TRIM11: variants seen among roughly 807,000 people sequenced by gnomAD.
TRIM11 encodes the protein tripartite motif containing 11.
Under a neutral mutation model 33.4 loss-of-function variants are expected in TRIM11, and 15 were observed. The observed-to-expected ratio is 0.45, with a 90% CI of 0.30 to 0.69. TRIM11 has a LOEUF of 0.69. TRIM11 is among the 30% of genes least tolerant of loss of function. The probability of loss-of-function intolerance (pLI) is 0.08; values close to 1 mark genes in which losing one functional copy is unlikely to be tolerated. For missense variants in TRIM11, 499 were observed against 667.6 expected (o/e 0.75, Z 2.78); for synonymous variants, 281 against 302.6 (o/e 0.93, Z 0.74).
At chr1:228,405,985 C>A (rs1656396982) in intron 1 of TRIM11, 169 bp downstream of exon 1, 1 of 747,958 alleles carries the variant, frequency 1.3e-6, no homozygotes, top group Non-Finnish European at 1.9e-6. Flanking sequence ...CCCACAGCCA[C>A]CCTGCGCGAC....
chr1:228,400,055 G>A lies in TRIM11; in HGVS notation c.735+909C>T, dbSNP rs977058928. Among the ~76,000 whole-genome samples, 2 of 152,132 alleles carry A rather than the reference G, an allele frequency of 1.3e-5. No individual in the cohort carries two copies. Among genetic ancestry groups the A allele is most frequent in the Non-Finnish European group, 2.9e-5 (2 of 68,022 alleles). On this transcript the variant is annotated intron_variant, in intron 3 of 5. Coordinates refer to ENST00000284551, the MANE Select transcript of TRIM11 (RefSeq NM_145214.3). The surrounding 1 kb of genome is among the most constrained non-coding windows in gnomAD (Gnocchi z 4.5). Reference sequence around the variant, plus strand: ...CCCAGCCACATCTGCAGCATTGTGGGCTCCACCTGGGTCTGGCAGCCCTGC... The same window carrying A: ...CCCAGCCACATCTGCAGCATTGTGGACTCCACCTGGGTCTGGCAGCCCTGC...
chr1:228,401,000 C>G lies in TRIM11; in HGVS notation c.699G>C (p.Glu233Asp), dbSNP rs773547600. 7 of 1,598,406 alleles carry G rather than the reference C, an allele frequency of 4.4e-6. No individual in the cohort carries two copies. The African/African-American group carries it at 6.7e-5, about 15-fold the overall frequency. ...CCAGAGCAGGCAGCTGGCAGCGGCC[C>G]TCGAGCTCGGCGATGAGCTCAGCTA... ...AHLAELIAELEGRCQLPALGL... is the reference protein window; with the variant it reads ...AHLAELIAELDGRCQLPALGL... Residue 233 changes from glutamate (E) to aspartate (D), a missense_variant, in exon 3 of 6, where the codon GAG (glutamate) becomes GAC (aspartate). Coordinates refer to ENST00000284551, the MANE Select transcript of TRIM11 (RefSeq NM_145214.3). The surrounding 1 kb of genome is among the most constrained non-coding windows in gnomAD (Gnocchi z 4.5).
At position 228,400,004 on chromosome 1, in the gene TRIM11, A is replaced by G. The variant is rs1656130444; in HGVS notation, c.735+960T>C. On this transcript the variant is annotated intron_variant, in intron 3 of 5. Coordinates refer to ENST00000284551, the MANE Select transcript of TRIM11 (RefSeq NM_145214.3). This position sits in a 1 kb window ranked among gnomAD's most constrained non-coding sequence, Gnocchi z 4.5. ...GTTCTGCTGGGCTCCAGAGGCCGGCAGCAGGTCACCCCCTGTGCAAAGCCG... is the reference window on the plus strand; with the variant it reads ...GTTCTGCTGGGCTCCAGAGGCCGGCGGCAGGTCACCCCCTGTGCAAAGCCG... 6.6e-6 allele frequency among the ~76,000 whole-genome samples: 1 copy of G among 152,102 alleles called. No individual in the cohort carries two copies. Among genetic ancestry groups the G allele is most frequent in the Admixed American group, 6.5e-5 (1 of 15,288 alleles).
Position 228,395,518 on chromosome 1 carries a change from T to A in TRIM11, c.860-266A>T. 1.4e-5 allele frequency: 2 copies of A among 139,246 alleles called. No individual in the cohort carries two copies. The highest frequency in any genetic ancestry group is 2.0e-4 in the East Asian group (1 of 5,022). 8.6% of individuals were successfully genotyped at this position (139,246 alleles called of 1,614,324 possible). The stretch of plus-strand genomic sequence containing the variant: ...GATATCAAGAGGGAATCTTGGTTGC[T>A]TTTTTTTTTTTTTTTAAAGAGGCAG... On this transcript the variant is annotated intron_variant, in intron 5 of 5. Transcript: ENST00000284551. This position sits in a 1 kb window ranked among gnomAD's most constrained non-coding sequence, Gnocchi z 4.8.
At position 228,406,055 on chromosome 1, in the gene TRIM11, G is replaced by C. The variant is rs1056357518; in HGVS notation, c.408+99C>G. The C allele has an allele frequency of 2.4e-6, 3 of 1,270,390 alleles. No individual in the cohort carries two copies. Among genetic ancestry groups the C allele is most frequent in the Non-Finnish European group, 3.0e-6 (3 of 993,678 alleles). The allele number at this position is 1,270,390 out of a possible 1,614,324, so 78.7% of individuals were successfully genotyped here. A position where few individuals can be genotyped will look rare whatever the true frequency, so the allele number is the denominator to read the frequency against. On this transcript the variant is annotated intron_variant, in intron 1 of 5. Transcript: ENST00000284551. This position sits in a 1 kb window ranked among gnomAD's most constrained non-coding sequence, Gnocchi z 8.2. Reference sequence around the variant, plus strand: ...GAGCTCCCCGCCCTAGACAGAGACAGATTACTCCCGGAGCAGTCCCCCAAA... The same window carrying C: ...GAGCTCCCCGCCCTAGACAGAGACACATTACTCCCGGAGCAGTCCCCCAAA...
intron 3 of TRIM11, among the ~76,000 whole-genome samples, chr1:228,398,451 C>G (rs2075004647): frequency 6.6e-6 from 1 of 151,950 alleles, no homozygotes; most frequent in Non-Finnish European, 1.5e-5. Flanking sequence ...GGTCCCATCT[C>G]TAAAAAAAAA....
In TRIM11 at chr1:228,395,630, C is replaced by T. The variant is rs118104612; in HGVS notation, c.860-378G>A. On this transcript the variant is annotated intron_variant, in intron 5 of 5. Coordinates refer to ENST00000284551, the MANE Select transcript of TRIM11 (RefSeq NM_145214.3). The surrounding 1 kb of genome is among the most constrained non-coding windows in gnomAD (Gnocchi z 4.8). Reference sequence around the variant, plus strand: ...GATCTCCTGGGCTCAAATGATCCTCCCGCCTCAGATCCTCCCAAGCTGCTG... The same window carrying T: ...GATCTCCTGGGCTCAAATGATCCTCTCGCCTCAGATCCTCCCAAGCTGCTG... The T allele has an allele frequency of 2.6e-3, 463 of 176,448 alleles. 10 individuals carry two copies. The highest frequency in any genetic ancestry group is 0.019 in the Admixed American group (302 of 15,872). 10.9% of individuals were successfully genotyped at this position (176,448 alleles called of 1,614,324 possible). A position where few individuals can be genotyped will look rare whatever the true frequency, so the allele number is the denominator to read the frequency against.
Position 228,402,141 on chromosome 1 carries a change from C to A in TRIM11, c.429G>T (p.Leu143=). ...EDLKAKLEKS[L]EHLRKQMQDA... ...CCTGCATCTGCTTCCGGAGATGCTCCAGTGACTTCTCCAGCTTCGCCTGCG... is the reference window on the plus strand; with the variant it reads ...CCTGCATCTGCTTCCGGAGATGCTCAAGTGACTTCTCCAGCTTCGCCTGCG... The change falls in exon 2 of 6, where the codon CTG becomes CTT. Residue 143 remains leucine, a synonymous_variant. Transcript: ENST00000284551. 1 of 1,612,964 alleles carries A rather than the reference C, an allele frequency of 6.2e-7. No homozygotes were observed. The highest frequency in any genetic ancestry group is 8.5e-7 in the Non-Finnish European group (1 of 1,179,462).
Position 228,402,114 on chromosome 1 carries a change from A to T in TRIM11, c.456T>A (p.Asp152Glu). 1 of 1,613,368 alleles carries T rather than the reference A, an allele frequency of 6.2e-7. No individual in the cohort carries two copies. The highest frequency in any genetic ancestry group is 8.5e-7 in the Non-Finnish European group (1 of 1,179,626). ...CCGCCTGGGCTTGGAACAGCAACGC[A>T]TCCTGCATCTGCTTCCGGAGATGCT... The part of the protein sequence containing the change: ...SLEHLRKQMQ[D>E]ALLFQAQADE... The change falls in exon 2 of 6, where the codon GAT (aspartate) becomes GAA (glutamate). Residue 152 changes from aspartate to glutamate, a missense_variant. Asp to Glu is a conservative substitution (Grantham distance 45, BLOSUM62 2). Transcript: ENST00000284551.
Position 228,395,026 on chromosome 1 carries a change from G to C in TRIM11, c.1086C>G (p.Asn362Lys), listed in dbSNP as rs151281012. 1.2e-6 allele frequency: 2 copies of C among 1,613,912 alleles called. No homozygotes were observed. The highest frequency in any genetic ancestry group is 1.7e-6 in the Non-Finnish European group (2 of 1,179,956). ...GCTCGCCCTTCTCCTTCCTGTTCAC[G>C]TTCTCCCTGCACACCCCCAGGGCCC... ...TSWALGVCRE[N>K]VNRKEKGELS... The change falls in exon 6 of 6, where the codon AAC becomes AAG. Residue 362 changes from asparagine (N) to lysine (K), a missense_variant. Physicochemically the swap from Asn to Lys is moderately conservative, Grantham distance 94. Coordinates refer to ENST00000284551, the MANE Select transcript of TRIM11 (RefSeq NM_145214.3). The surrounding 1 kb of genome is among the most constrained non-coding windows in gnomAD (Gnocchi z 4.8).
intron 3 of TRIM11, chr1:228,397,433 T>G (rs2149090934): frequency 3.9e-6 from 2 of 515,220 alleles, no homozygotes; most frequent in South Asian, 6.1e-5. Context: ...GCCTGACACT[T>G]GGATGTAGGG....
Position 228,394,852 on chromosome 1 carries a change from G to A in TRIM11, c.1260C>T (p.Ala420=), listed in dbSNP as rs1166620368. Residue 420 remains alanine (A), a synonymous_variant, in exon 6 of 6, where the codon GCC becomes GCT. Transcript: ENST00000284551. This position sits in a 1 kb window ranked among gnomAD's most constrained non-coding sequence, Gnocchi z 6.2. ...YEAGHLSFYS[A]TDGSLLFIFP... Reference sequence around the variant, plus strand: ...AGATGAATAGCAGTGACCCATCGGTGGCACTGTAGAAAGAGAGATGTCCAG... The same window carrying A: ...AGATGAATAGCAGTGACCCATCGGTAGCACTGTAGAAAGAGAGATGTCCAG... 3 of 1,614,004 alleles carry A rather than the reference G, an allele frequency of 1.9e-6. No homozygotes were observed. Among genetic ancestry groups the A allele is most frequent in the Non-Finnish European group, 1.7e-6 (2 of 1,180,014 alleles).
Position 228,406,282 on chromosome 1 carries a change from C to A in TRIM11, c.280G>T (p.Ala94Ser). The change falls in exon 1 of 6, where the codon GCG (alanine) becomes TCG (serine). Residue 94 changes from alanine to serine, a missense_variant. Coordinates refer to ENST00000284551, the MANE Select transcript of TRIM11 (RefSeq NM_145214.3). The surrounding 1 kb of genome is among the most constrained non-coding windows in gnomAD (Gnocchi z 8.2). Reference protein sequence around the residue: ...PSPVPQGVCPAHREPLAAFCG... With the variant: ...PSPVPQGVCPSHREPLAAFCG... ...AAGGCGGCCAGTGGCTCGCGGTGCG[C>A]GGGGCACACGCCCTGCGGGACCGGC... The A allele has an allele frequency of 6.7e-7, 1 of 1,490,946 alleles. No homozygotes were observed. Among genetic ancestry groups the A allele is most frequent in the South Asian group, 1.3e-5 (1 of 78,796 alleles). The allele number at this position is 1,490,946 out of a possible 1,614,324, so 92.4% of individuals were successfully genotyped here. A position where few individuals can be genotyped will look rare whatever the true frequency, so the allele number is the denominator to read the frequency against.
In TRIM11 at chr1:228,401,003, G is replaced by A. The variant is rs763571305; in HGVS notation, c.696C>T (p.Leu232=). The A allele has an allele frequency of 2.1e-5, 34 of 1,600,480 alleles. No homozygotes were observed. Among genetic ancestry groups the A allele is most frequent in the Non-Finnish European group, 2.8e-5 (33 of 1,172,340 alleles). The change falls in exon 3 of 6, where the codon CTC becomes CTT. Residue 232 remains leucine, a synonymous_variant. Coordinates refer to ENST00000284551, the MANE Select transcript of TRIM11 (RefSeq NM_145214.3). The surrounding 1 kb of genome is among the most constrained non-coding windows in gnomAD (Gnocchi z 6.1). The stretch of plus-strand genomic sequence containing the variant: ...GAGCAGGCAGCTGGCAGCGGCCCTC[G>A]AGCTCGGCGATGAGCTCAGCTAGGT... The part of the protein sequence containing the change: ...SAHLAELIAE[L]EGRCQLPALG...
At chr1:228,399,891 C>CAAAAAAAAAAAAAA (rs58986540) in intron 3 of TRIM11, among the ~76,000 whole-genome samples, 5 of 92,724 alleles carry the variant, frequency 5.4e-5, no homozygotes, top group Non-Finnish European at 1.2e-4. Context: ...AAAAAAAAAA[C>CAAAAAAAAAAAAAA]AAAAAAAAAA....
At position 228,401,805 on chromosome 1, in the gene TRIM11, T is replaced by G. The variant is rs1341281922; in HGVS notation, c.504+261A>C. 1.3e-5 allele frequency among the ~76,000 whole-genome samples: 2 copies of G among 152,118 alleles called. No homozygotes were observed. The highest frequency in any genetic ancestry group is 2.9e-5 in the Non-Finnish European group (2 of 68,002). On this transcript the variant is annotated intron_variant, in intron 2 of 5. Coordinates refer to ENST00000284551, the MANE Select transcript of TRIM11 (RefSeq NM_145214.3). The surrounding 1 kb of genome is among the most constrained non-coding windows in gnomAD (Gnocchi z 6.1). ...CCAGGGCCCAGACCCTAAATACACC[T>G]GAGAGTTGCCACCCAAGCATGCTGG...
chr1:228,400,946 G>C lies in TRIM11; in HGVS notation c.735+18C>G. ...CCATGCCCGTGTGGCCACCATGGCT[G>C]CTCCCCGCCCAGCTCACCTGCAGCA... On this transcript the variant is annotated intron_variant, in intron 3 of 5. Coordinates refer to ENST00000284551, the MANE Select transcript of TRIM11 (RefSeq NM_145214.3). This position sits in a 1 kb window ranked among gnomAD's most constrained non-coding sequence, Gnocchi z 4.5. 1 of 1,532,298 alleles carries C rather than the reference G, an allele frequency of 6.5e-7. No homozygotes were observed. Among genetic ancestry groups the C allele is most frequent in the Non-Finnish European group, 8.8e-7 (1 of 1,141,026 alleles). 94.9% of individuals were successfully genotyped at this position (1,532,298 alleles called of 1,614,324 possible).
chr1:228,406,237 G>A lies in TRIM11; in HGVS notation c.325C>T (p.Leu109Phe), dbSNP rs577467428. Residue 109 changes from leucine to phenylalanine, a missense_variant, in exon 1 of 6, where the codon CTC becomes TTC. Physicochemically the swap from Leu to Phe is conservative, Grantham distance 22. Coordinates refer to ENST00000284551, the MANE Select transcript of TRIM11 (RefSeq NM_145214.3). This position sits in a 1 kb window ranked among gnomAD's most constrained non-coding sequence, Gnocchi z 8.2. ...LAAFCGDELR[L>F]LCAACERSGE... ...GAGCGCTCGCAGGCCGCACACAGGA[G>A]GCGCAGCTCGTCGCCACAGAAGGCG... 8.7e-6 allele frequency: 13 copies of A among 1,495,496 alleles called. No homozygotes were observed. In the South Asian group the frequency reaches 1.5e-4, roughly 17 times the overall value. 92.6% of individuals were successfully genotyped at this position (1,495,496 alleles called of 1,614,324 possible). A position where few individuals can be genotyped will look rare whatever the true frequency, so the allele number is the denominator to read the frequency against.
rs1656215497 is a variant in TRIM11, at chr1:228,401,419, C to T, written c.505-225G>A. On this transcript the variant is annotated intron_variant, in intron 2 of 5. Transcript: ENST00000284551. The surrounding 1 kb of genome is among the most constrained non-coding windows in gnomAD (Gnocchi z 6.1). ...TGTGGCACCTCCCAAACCCCAAATC[C>T]ACCACTCAGGGAGAGCCAAATCCCA... Among the ~76,000 whole-genome samples, 1 of 152,076 alleles carries T rather than the reference C, an allele frequency of 6.6e-6. No homozygotes were observed. Among genetic ancestry groups the T allele is most frequent in the Non-Finnish European group, 1.5e-5 (1 of 68,000 alleles).
Sources: allele counts gnomAD v4.1 joint callset (sites outside exome capture counted in the v4.1 genomes callset), GRCh38; gene constraint gnomAD v4.1.1; non-coding constraint Gnocchi (gnomAD v3.1); transcripts MANE v1.5; gene names NCBI Gene and HGNC (gene_info 2026-07-23, HGNC 2026-07-21).